Variants in GXYLT1 observed in about 807,000 individuals in gnomAD.
GXYLT1 encodes the protein glucoside xylosyltransferase 1.
In GXYLT1, 29 loss-of-function variants were observed where a neutral mutation model predicts 54.0. That is an observed-to-expected ratio of 0.54 (90% CI 0.40 to 0.73). The LOEUF (loss-of-function observed/expected upper bound fraction) is 0.73. Ranked by LOEUF, GXYLT1 falls within the 30% of genes least tolerant of loss-of-function variation. GXYLT1 has a pLI of 0.00. For synonymous variants in GXYLT1, 176 were observed against 204.1 expected, an observed-to-expected ratio of 0.86 and a Z score of 1.17; for missense variants, 490 against 553.4, an observed-to-expected ratio of 0.89 and a Z score of 1.15.
intron 1 of GXYLT1, among the ~76,000 whole-genome samples, chr12:42,143,425 T>C (rs2065662610): frequency 6.6e-6 from 1 of 152,218 alleles, no homozygotes; most frequent in South Asian, 2.1e-4. Flanking sequence ...GCTGCTCCTC[T>C]GCCCAAACTT....
At chr12:42,097,224 A>T (rs1737178109) in intron 7 of GXYLT1, among the ~76,000 whole-genome samples, 1 of 152,120 alleles carries the variant, frequency 6.6e-6, no homozygotes, top group African/African-American at 2.4e-5. Context: ...TGCAACTTAC[A>T]ATCAAATTTA....
intron 1 of GXYLT1, among the ~76,000 whole-genome samples, chr12:42,142,984 G>T (rs536313606): frequency 2.6e-3 from 396 of 152,114 alleles, no homozygotes; most frequent in Non-Finnish European, 4.3e-3. Context: ...AAAACTTAAC[G>T]TTTCAGTAAT....
At chr12:42,117,491 G>A (rs1266083337) in intron 3 of GXYLT1, among the ~76,000 whole-genome samples, 1 of 151,668 alleles carries the variant, frequency 6.6e-6, no homozygotes, top group African/African-American at 2.4e-5. Context: ...CTCATAATTA[G>A]TATTTTTGCA....
intron 7 of GXYLT1, 132 bp from the exon 8 acceptor site, chr12:42,088,079 T>C (rs1260376168): frequency 4.3e-6 from 2 of 462,882 alleles, no homozygotes; most frequent in Middle Eastern, 5.4e-4. Context: ...AGAAATTAGA[T>C]GTTTAACAAA....
rs2065283783 is a variant in GXYLT1, at chr12:42,085,364, A to C, written c.*2422T>G. 6.6e-6 allele frequency: 1 copy of C among 152,220 alleles called. No homozygotes were observed. The highest frequency in any genetic ancestry group is 2.4e-5 in the African/African-American group (1 of 41,464). The allele number at this position is 152,220 out of a possible 1,614,324, so 9.4% of individuals were successfully genotyped here. A position where few individuals can be genotyped will look rare whatever the true frequency, so the allele number is the denominator to read the frequency against. ...CCACAGCATACAGTCCAGTTGGATT[A>C]AACTGTGACCACGCTCTACACAAGT... On this transcript the variant is annotated 3_prime_UTR_variant, in exon 8 of 8. Transcript: ENST00000398675.
At chr12:42,098,853 C>T (rs980032129) in intron 5 of GXYLT1, among the ~76,000 whole-genome samples, 2 of 146,788 alleles carry the variant, frequency 1.4e-5, no homozygotes, top group African/African-American at 5.0e-5. Context: ...CCTATGTATG[C>T]TATTTCTTTT....
intron 5 of GXYLT1, among the ~76,000 whole-genome samples, chr12:42,101,546 T>G (rs756618904): frequency 6.6e-6 from 1 of 152,030 alleles, no homozygotes; most frequent in Non-Finnish European, 1.5e-5. Flanking sequence ...ATCTAAATGC[T>G]AATGCACACC....
chr12:42,092,329 A>G (rs1565564988), intron 7 of GXYLT1, among the ~76,000 whole-genome samples: 2 of 152,254 alleles, frequency 1.3e-5, no homozygotes, highest in African/African-American at 4.8e-5. Flanking sequence ...AACAGACAGC[A>G]TATCTAAATG....
At chr12:42,108,554 T>A (rs2065434046) in intron 4 of GXYLT1, among the ~76,000 whole-genome samples, 1 of 152,098 alleles carries the variant, frequency 6.6e-6, no homozygotes, top group Non-Finnish European at 1.5e-5. Context: ...GTGAAGTATC[T>A]AAAACTTTTT....
chr12:42,102,898 T>C (rs2065398105), intron 5 of GXYLT1, among the ~76,000 whole-genome samples: 2 of 151,964 alleles, frequency 1.3e-5, no homozygotes, highest in Non-Finnish European at 2.9e-5. Context: ...TAATATTTAA[T>C]TTAATTTAAT....
At chr12:42,137,751 C>A (rs150553272) in intron 1 of GXYLT1, among the ~76,000 whole-genome samples, 818 of 35,814 alleles carry the variant, frequency 0.023, 13 homozygotes, top group African/African-American at 0.12. Context: ...AGCGAGACTC[C>A]ATCTCAAATT....
chr12:42,092,997 AAAAGACAAATGT>A (rs2065337050), intron 7 of GXYLT1, among the ~76,000 whole-genome samples: 1 of 152,232 alleles, frequency 6.6e-6, no homozygotes, highest in South Asian at 2.1e-4. Context: ...AAACATTCCT[AAAAGACAAATGT>A]AAAGACAGCT....
intron 7 of GXYLT1, among the ~76,000 whole-genome samples, chr12:42,090,390 A>G (rs1407502752): frequency 6.6e-6 from 1 of 152,092 alleles, no homozygotes; most frequent in Non-Finnish European, 1.5e-5. Flanking sequence ...ACCTCTTTTT[A>G]TACTATATAC....
At chr12:42,091,031 T>C (rs769479077) in intron 7 of GXYLT1, among the ~76,000 whole-genome samples, 4 of 152,246 alleles carry the variant, frequency 2.6e-5, no homozygotes, top group Non-Finnish European at 4.4e-5. Flanking sequence ...ATTCATACTG[T>C]TCACTGCATT....
At chr12:42,143,045 T>C (rs764132650) in intron 1 of GXYLT1, among the ~76,000 whole-genome samples, 7 of 152,190 alleles carry the variant, frequency 4.6e-5, no homozygotes, top group Non-Finnish European at 1.0e-4. Flanking sequence ...AAATTTCAAA[T>C]AATTTTATTA....
rs1049161344 is a variant in GXYLT1, at chr12:42,127,185, TTAAAG to T, written c.314+2569_314+2573del. Among the ~76,000 whole-genome samples the T allele has an allele frequency of 7.9e-4, 121 of 152,270 alleles. 2 individuals are homozygous for T. The highest frequency in any genetic ancestry group is 2.8e-3 in the African/African-American group (117 of 41,556). On this transcript the variant is annotated intron_variant, in intron 2 of 7. Coordinates refer to ENST00000398675, the MANE Select transcript of GXYLT1 (RefSeq NM_173601.2). ...GAATTCCAAAGAAGCTTTACCAGTA[TTAAAG>T]TAGATACTGAGATGGAGGGCAAGAA...
At position 42,083,053 on chromosome 12, in the gene GXYLT1, G is replaced by T. The variant is rs571137072; in HGVS notation, c.*4733C>A. 1 of 152,020 alleles carries T rather than the reference G, an allele frequency of 6.6e-6. No homozygotes were observed. Among genetic ancestry groups the T allele is most frequent in the South Asian group, 2.1e-4 (1 of 4,830 alleles). The allele number at this position is 152,020 out of a possible 1,614,324, so 9.4% of individuals were successfully genotyped here. Reference sequence around the variant, plus strand: ...ATCTGAAATTATTGGTAGAAATGAGGTGATAATAAATATTTTCTATTTAAG... The same window carrying T: ...ATCTGAAATTATTGGTAGAAATGAGTTGATAATAAATATTTTCTATTTAAG... On this transcript the variant is annotated 3_prime_UTR_variant, in exon 8 of 8. Coordinates refer to ENST00000398675, the MANE Select transcript of GXYLT1 (RefSeq NM_173601.2).
chr12:42,092,218 C>T (rs1054607993), intron 7 of GXYLT1, among the ~76,000 whole-genome samples: 5 of 152,140 alleles, frequency 3.3e-5, no homozygotes, highest in Non-Finnish European at 5.9e-5. Context: ...ACTTAGGAAA[C>T]GGGGGTCATC....
intron 4 of GXYLT1, among the ~76,000 whole-genome samples, chr12:42,106,919 A>G (rs1009025291): frequency 6.6e-6 from 1 of 151,020 alleles, no homozygotes; most frequent in Admixed American, 6.6e-5. Context: ...CTAATTTTTC[A>G]TATTTTTAGT....
Sources: gnomAD v4.1 joint callset for allele counts (sites outside exome capture counted in the v4.1 genomes callset) on GRCh38, gnomAD v4.1.1 for gene constraint, MANE v1.5 for transcripts, NCBI Gene and HGNC (gene_info 2026-07-23, HGNC 2026-07-21) for gene names.